SLC38A10: variants seen among roughly 807,000 people sequenced by gnomAD.
SLC38A10 encodes the protein Sodium-coupled neutral amino acid transporter 10.
Under a neutral mutation model 81.0 loss-of-function variants are expected in SLC38A10, and 53 were observed. The observed-to-expected ratio is 0.65, with a 90% CI of 0.53 to 0.82. The LOEUF is 0.82. SLC38A10 is among the 40% of genes least tolerant of loss of function. The pLI is 0.00. For synonymous variants in SLC38A10, 665 were observed against 655.3 expected (o/e 1.01, Z -0.23); for missense variants, 1,471 against 1,545.0 (o/e 0.95, Z 0.80).
chr17:81,289,891 A>C lies in SLC38A10; in HGVS notation c.100-83T>G. ...CACCCCACACACGCGGCTCATGAGG[A>C]CCCTCTTCACCCCCAGGCCCCGCTC... On this transcript the variant is annotated intron_variant, in intron 1 of 15. Transcript: ENST00000374759. This position sits in a 1 kb window ranked among gnomAD's most constrained non-coding sequence, Gnocchi z 5.9. 1 of 1,090,242 alleles carries C rather than the reference A, an allele frequency of 9.2e-7. No individual in the cohort carries two copies. Among genetic ancestry groups the C allele is most frequent in the Non-Finnish European group, 1.3e-6 (1 of 774,874 alleles). The allele number at this position is 1,090,242 out of a possible 1,614,324, so 67.5% of individuals were successfully genotyped here. A position where few individuals can be genotyped will look rare whatever the true frequency, so the allele number is the denominator to read the frequency against.
In SLC38A10 at chr17:81,286,997, T is replaced by G. The variant is rs558643932; in HGVS notation, c.218-2102A>C. Among the ~76,000 whole-genome samples the G allele has an allele frequency of 4.6e-5, 7 of 152,282 alleles. No individual in the cohort carries two copies. Among genetic ancestry groups the G allele is most frequent in the Non-Finnish European group, 1.0e-4 (7 of 68,022 alleles). On this transcript the variant is annotated intron_variant, in intron 2 of 15. Coordinates refer to ENST00000374759, the MANE Select transcript of SLC38A10 (RefSeq NM_001037984.3). This position sits in a 1 kb window ranked among gnomAD's most constrained non-coding sequence, Gnocchi z 6.0. ...GGAGGCTGAATGACTGATGTATCTG[T>G]GTGTCTTCTGAAGAGGGGATTTAGA...
intron 1 of SLC38A10, among the ~76,000 whole-genome samples, chr17:81,294,444 T>C (rs1198379955): frequency 2.0e-5 from 3 of 152,206 alleles, no homozygotes; most frequent in African/African-American, 7.2e-5. Context: ...TGGTGAGTTG[T>C]GTGCTTCTGA....
rs1424606040 is a variant in SLC38A10, at chr17:81,277,912, T to C, written c.627-779A>G. Among the ~76,000 whole-genome samples, 3 of 151,388 alleles carry C rather than the reference T, an allele frequency of 2.0e-5. No individual in the cohort carries two copies. Among genetic ancestry groups the C allele is most frequent in the South Asian group, 4.2e-4 (2 of 4,806 alleles). The stretch of plus-strand genomic sequence containing the variant: ...AGCACAGGTGAGAGCTGCTCTGCCA[T>C]GGGGCTGAACGAGGACTCTGGAGTG... On this transcript the variant is annotated intron_variant, in intron 6 of 15. Coordinates refer to ENST00000374759, the MANE Select transcript of SLC38A10 (RefSeq NM_001037984.3). This position sits in a 1 kb window ranked among gnomAD's most constrained non-coding sequence, Gnocchi z 4.5.
chr17:81,282,028 T>C (rs1435791894), intron 5 of SLC38A10, among the ~76,000 whole-genome samples, 161 bp downstream of exon 5: 6 of 151,888 alleles, frequency 4.0e-5, no homozygotes, highest in Non-Finnish European at 8.8e-5. Flanking sequence ...CCAGGGACCA[T>C]GAGATGAATG....
chr17:81,294,813 C>T lies in SLC38A10; in HGVS notation c.99+10G>A. 1 of 1,575,554 alleles carries T rather than the reference C, an allele frequency of 6.3e-7. No homozygotes were observed. The highest frequency in any genetic ancestry group is 1.7e-4 in the Middle Eastern group (1 of 5,974). On this transcript the variant is annotated intron_variant, in intron 1 of 15. Coordinates refer to ENST00000374759, the MANE Select transcript of SLC38A10 (RefSeq NM_001037984.3). ...GCGAGGGCGGTGATCTCCGGGCCCACCGGACTCACCTGTTTGAAGCAGAAG... is the reference window on the plus strand; with the variant it reads ...GCGAGGGCGGTGATCTCCGGGCCCATCGGACTCACCTGTTTGAAGCAGAAG...
At chr17:81,279,327 G>A (rs749232015) in intron 6 of SLC38A10, among the ~76,000 whole-genome samples, 5 of 152,246 alleles carry the variant, frequency 3.3e-5, no homozygotes, top group Non-Finnish European at 7.3e-5. Flanking sequence ...GGCCCCAGCT[G>A]GCATCCAGGC....
Position 81,270,948 on chromosome 17 carries a change from C to A in SLC38A10, c.1101G>T (p.Lys367Asn). 6.2e-7 allele frequency: 1 copy of A among 1,614,020 alleles called. No homozygotes were observed. ...ICFICPALIY[K>N]KIHKNALSSQ... is the part of the protein sequence containing the mutation. Reference sequence around the variant, plus strand: ...AGGAAAGTGCGTTCTTGTGGATTTTCTTGTAGATCAGCGCCGGGCAGATGA... The same window carrying A: ...AGGAAAGTGCGTTCTTGTGGATTTTATTGTAGATCAGCGCCGGGCAGATGA... The change falls in exon 10 of 16, where the codon AAG becomes AAT. Residue 367 changes from lysine (K) to asparagine (N), a missense_variant. Coordinates refer to ENST00000374759, the MANE Select transcript of SLC38A10 (RefSeq NM_001037984.3). This position sits in a 1 kb window ranked among gnomAD's most constrained non-coding sequence, Gnocchi z 4.0.
rs1348393215 is a variant in SLC38A10 at position 81,289,321 on chromosome 17, C to A, written c.217+370G>T. 6.6e-6 allele frequency among the ~76,000 whole-genome samples: 1 copy of A among 152,014 alleles called. No individual in the cohort carries two copies. The highest frequency in any genetic ancestry group is 1.9e-4 in the East Asian group (1 of 5,190). ...CCTGCCAAAGTGCTGGGATTACAGGCACGAGCCACCACGCCCGGCAGGTTT... is the reference window on the plus strand; with the variant it reads ...CCTGCCAAAGTGCTGGGATTACAGGAACGAGCCACCACGCCCGGCAGGTTT... On this transcript the variant is annotated intron_variant, in intron 2 of 15. Coordinates refer to ENST00000374759, the MANE Select transcript of SLC38A10 (RefSeq NM_001037984.3). The surrounding 1 kb of genome is among the most constrained non-coding windows in gnomAD (Gnocchi z 5.9).
intron 10 of SLC38A10, among the ~76,000 whole-genome samples, chr17:81,267,175 T>C (rs1380048724): frequency 6.6e-6 from 1 of 152,200 alleles, no homozygotes; most frequent in Admixed American, 6.5e-5. Flanking sequence ...TAATCTACAA[T>C]AGCACTAACA....
intron 1 of SLC38A10, among the ~76,000 whole-genome samples, chr17:81,290,825 G>C (rs932438249): frequency 6.6e-6 from 1 of 152,080 alleles, no homozygotes; most frequent in Non-Finnish European, 1.5e-5. Flanking sequence ...GGCCAACATG[G>C]TGAAATCCCA....
rs532552666 is a variant in SLC38A10, at chr17:81,276,999, CAG to C, written c.729+30_729+31del. Reference sequence around the variant, plus strand: ...CACGGCACATCATGCTGGCATGACACAGGGGCGGAGAGGGCGTGGCAAGGCTC... The same window carrying C: ...CACGGCACATCATGCTGGCATGACACGGGCGGAGAGGGCGTGGCAAGGCTC... On this transcript the variant is annotated intron_variant, in intron 7 of 15. Coordinates refer to ENST00000374759, the MANE Select transcript of SLC38A10 (RefSeq NM_001037984.3). This position sits in a 1 kb window ranked among gnomAD's most constrained non-coding sequence, Gnocchi z 4.7. 1.0e-4 allele frequency: 162 copies of C among 1,601,628 alleles called. 1 individual carries two copies. The South Asian group carries it at 1.5e-3, about 15-fold the overall frequency.
At chr17:81,249,666 G>A (rs896942267) in intron 14 of SLC38A10, among the ~76,000 whole-genome samples, 1 of 152,034 alleles carries the variant, frequency 6.6e-6, no homozygotes, top group East Asian at 1.9e-4. Flanking sequence ...CCAAGACCAC[G>A]GGGACTGGGC....
At position 81,270,435 on chromosome 17, in the gene SLC38A10, C is replaced by T. The variant is rs1567937545; in HGVS notation, c.1131+483G>A. 1.3e-5 allele frequency among the ~76,000 whole-genome samples: 2 copies of T among 152,186 alleles called. No individual in the cohort carries two copies. Among genetic ancestry groups the T allele is most frequent in the African/African-American group, 2.4e-5 (1 of 41,442 alleles). ...AAATAGCGAGGCAGCTCTGTGCCCA[C>T]GGCTGTGGAGCAACCTGACCTGCAC... On this transcript the variant is annotated intron_variant, in intron 10 of 15. Transcript: ENST00000374759. This position sits in a 1 kb window ranked among gnomAD's most constrained non-coding sequence, Gnocchi z 4.0.
In SLC38A10 at chr17:81,252,385, A is replaced by C; in HGVS notation, c.1755T>G (p.Gly585=). The change falls in exon 13 of 16, where the codon GGT becomes GGG. Residue 585 remains glycine (G), a synonymous_variant. Transcript: ENST00000374759. ...EDPQKVPEAD[G]QPAVQPAKED... ...CCTTTGCAGGCTGGACAGCTGGCTG[A>C]CCATCTGCTTCTGGAACTTTCTGGG... The C allele has an allele frequency of 6.2e-7, 1 of 1,613,066 alleles. No homozygotes were observed. Among genetic ancestry groups the C allele is most frequent in the South Asian group, 1.1e-5 (1 of 91,082 alleles).
chr17:81,275,573 A>G (rs1187701422), intron 8 of SLC38A10, among the ~76,000 whole-genome samples: 1 of 150,732 alleles, frequency 6.6e-6, no homozygotes, highest in Admixed American at 6.6e-5. Flanking sequence ...CTCTACTAAA[A>G]ATACAAAAAT....
intron 4 of SLC38A10, among the ~76,000 whole-genome samples, chr17:81,282,579 C>G (rs1206192499): frequency 6.6e-6 from 1 of 152,246 alleles, no homozygotes; most frequent in Non-Finnish European, 1.5e-5. Context: ...CGAGACCAGC[C>G]AGAGCAGGAC....
At position 81,294,951 on chromosome 17, in the gene SLC38A10, G is replaced by A. The variant is rs775753497; in HGVS notation, c.-30C>T. 4 of 1,547,334 alleles carry A rather than the reference G, an allele frequency of 2.6e-6. No homozygotes were observed. Among genetic ancestry groups the A allele is most frequent in the Non-Finnish European group, 3.5e-6 (4 of 1,150,214 alleles). On this transcript the variant is annotated 5_prime_UTR_variant, in exon 1 of 16. Coordinates refer to ENST00000374759, the MANE Select transcript of SLC38A10 (RefSeq NM_001037984.3). ...AGAGGTCTAGGGGCCCGGGGCGAGA[G>A]GCCTCGGGGGTCGCCGGGCTGCGGC... is the stretch of plus-strand genomic sequence containing the variant.
Position 81,270,739 on chromosome 17 carries a change from G to A in SLC38A10, c.1131+179C>T, listed in dbSNP as rs1034103097. Reference sequence around the variant, plus strand: ...AGTGTGGCCCTGCTGGGCAAAGACCGTGCGTCCTGGTGAACCCAGGGTTCC... The same window carrying A: ...AGTGTGGCCCTGCTGGGCAAAGACCATGCGTCCTGGTGAACCCAGGGTTCC... On this transcript the variant is annotated intron_variant, in intron 10 of 15. Transcript: ENST00000374759. The surrounding 1 kb of genome is among the most constrained non-coding windows in gnomAD (Gnocchi z 4.0). 1.3e-5 allele frequency among the ~76,000 whole-genome samples: 2 copies of A among 152,164 alleles called. No individual in the cohort carries two copies. Among genetic ancestry groups the A allele is most frequent in the Admixed American group, 6.5e-5 (1 of 15,276 alleles).
Position 81,265,439 on chromosome 17 carries a change from C to T in SLC38A10, c.1132-5045G>A, listed in dbSNP as rs1235731578. 2 of 152,240 alleles carry T rather than the reference C, an allele frequency of 1.3e-5. No individual in the cohort carries two copies. The highest frequency in any genetic ancestry group is 2.4e-5 in the African/African-American group (1 of 41,468). 9.4% of individuals were successfully genotyped at this position (152,240 alleles called of 1,614,324 possible). On this transcript the variant is annotated intron_variant, in intron 10 of 15. Transcript: ENST00000374759. The surrounding 1 kb of genome is among the most constrained non-coding windows in gnomAD (Gnocchi z 4.2). ...GGCAAATGTATCTTTTCGATTCCCT[C>T]AGGGCCGACCTATTTTCCTGTCCCC...
Sources: allele counts gnomAD v4.1 joint callset (sites outside exome capture counted in the v4.1 genomes callset), GRCh38; gene constraint gnomAD v4.1.1; non-coding constraint Gnocchi (gnomAD v3.1); transcripts MANE v1.5; gene names NCBI Gene and HGNC (gene_info 2026-07-23, HGNC 2026-07-21).